PLPPR5: variants seen among roughly 807,000 people sequenced by gnomAD.
PLPPR5 encodes the protein phospholipid phosphatase-related protein type 5.
A neutral mutation model predicts 33.9 loss-of-function variants in PLPPR5; 16 were observed. The ratio of observed to expected loss-of-function variants is 0.47; its 90% confidence interval spans 0.32 to 0.72. The LOEUF is 0.72. Among genes scored for constraint, PLPPR5 ranks in the 30% least tolerant of loss-of-function variants. The pLI is 0.03. For synonymous variants in PLPPR5, 163 were observed against 150.3 expected (o/e 1.08, Z -0.62); for missense variants, 301 against 406.7 (o/e 0.74, Z 2.23).
chr1:98,904,970 G>A (rs1648842711), intron 5 of PLPPR5, among the ~76,000 whole-genome samples: 1 of 152,176 alleles, frequency 6.6e-6, no homozygotes, highest in Non-Finnish European at 1.5e-5. Context: ...TTTGCCAAAT[G>A]ACATCTCATC....
At chr1:98,985,807 GT>G (rs1448236346) in intron 1 of PLPPR5, among the ~76,000 whole-genome samples, 6 of 151,976 alleles carry the variant, frequency 3.9e-5, no homozygotes, top group African/African-American at 1.4e-4. Flanking sequence ...TAGCCTCATT[GT>G]ATACACATTA....
intron 3 of PLPPR5, among the ~76,000 whole-genome samples, chr1:98,933,080 C>T (rs1327677144): frequency 1.3e-5 from 2 of 151,990 alleles, no homozygotes; most frequent in Non-Finnish European, 2.9e-5. Flanking sequence ...CAGATGGCTA[C>T]TCACAGTAAG....
intron 5 of PLPPR5, among the ~76,000 whole-genome samples, chr1:98,913,520 T>C (rs1649231163): frequency 6.6e-6 from 1 of 152,218 alleles, no homozygotes; most frequent in Admixed American, 6.5e-5. Context: ...CCTTTTTCAT[T>C]TGTGCAATTA....
At chr1:98,912,275 G>A (rs954908803) in intron 5 of PLPPR5, among the ~76,000 whole-genome samples, 2 of 151,976 alleles carry the variant, frequency 1.3e-5, no homozygotes, top group Non-Finnish European at 2.9e-5. Context: ...CTGTAAAATG[G>A]GAATATGCAT....
At position 98,921,983 on chromosome 1, in the gene PLPPR5, A is replaced by AC; in HGVS notation, c.696_697insG (p.Leu233ValfsTer41). 6.2e-7 allele frequency: 1 copy of AC among 1,614,088 alleles called. No homozygotes were observed. Among genetic ancestry groups the AC allele is most frequent in the South Asian group, 1.1e-5 (1 of 91,088 alleles). ...CTGTTGAGTCCAGTAAGAAATGCCA[A>AC]ACACATTAAGCCCAAGCATAGAACT... On this transcript the variant is annotated frameshift_variant, in exon 4 of 6. Coordinates refer to ENST00000263177, the MANE Select transcript of PLPPR5 (RefSeq NM_001037317.2). LOFTEE classifies it high-confidence loss of function.
At chr1:98,957,101 C>T (rs1429754419) in intron 1 of PLPPR5, among the ~76,000 whole-genome samples, 1 of 150,912 alleles carries the variant, frequency 6.6e-6, no homozygotes, top group Non-Finnish European at 1.5e-5. Context: ...AAACCAAACA[C>T]CACATATTCT....
intron 1 of PLPPR5, among the ~76,000 whole-genome samples, chr1:98,962,234 C>T (rs1175078557): frequency 6.6e-6 from 1 of 152,086 alleles, no homozygotes; most frequent in East Asian, 1.9e-4. Context: ...TGGTGTGCAA[C>T]ATAATGTTGT....
chr1:98,909,797 A>G (rs996176814), intron 5 of PLPPR5, among the ~76,000 whole-genome samples: 3 of 152,080 alleles, frequency 2.0e-5, no homozygotes, highest in African/African-American at 7.2e-5. Context: ...ATATTTTAAT[A>G]TGACAAGCAG....
At chr1:98,995,152 G>T (rs2100763911) in intron 1 of PLPPR5, among the ~76,000 whole-genome samples, 1 of 152,174 alleles carries the variant, frequency 6.6e-6, no homozygotes, top group Non-Finnish European at 1.5e-5. Flanking sequence ...CCCATTGTTG[G>T]ATATACACCC....
intron 5 of PLPPR5, among the ~76,000 whole-genome samples, chr1:98,903,898 C>A (rs1384646300): frequency 6.6e-6 from 1 of 152,182 alleles, no homozygotes; most frequent in East Asian, 1.9e-4. Flanking sequence ...TGACTACATT[C>A]CAGTTCACAT....
intron 1 of PLPPR5, among the ~76,000 whole-genome samples, chr1:98,979,113 T>C (rs1651968730): frequency 6.6e-6 from 1 of 152,066 alleles, no homozygotes; most frequent in South Asian, 2.1e-4. Flanking sequence ...TCCCAGGCAT[T>C]CTTCTAGGTA....
At chr1:98,946,705 C>T (rs1249810091) in intron 3 of PLPPR5, among the ~76,000 whole-genome samples, 1 of 152,104 alleles carries the variant, frequency 6.6e-6, no homozygotes, top group Non-Finnish European at 1.5e-5. Context: ...TTACCAGATA[C>T]TCTTACAATC....
intron 5 of PLPPR5, among the ~76,000 whole-genome samples, chr1:98,903,711 C>T (rs867949990): frequency 1.3e-5 from 2 of 151,856 alleles, no homozygotes; most frequent in Admixed American, 1.3e-4. Flanking sequence ...TACTATGTGC[C>T]GAGAAGTTTA....
At position 98,891,186 on chromosome 1, in the gene PLPPR5, A is replaced by T. The variant is rs1341454796; in HGVS notation, c.*1886T>A. The stretch of plus-strand genomic sequence containing the variant: ...TGTTCTAAATTTCCAACAGGACTGA[A>T]TTGCTCTAGAGGTCTGAAATTAGTA... On this transcript the variant is annotated 3_prime_UTR_variant, in exon 6 of 6. Transcript: ENST00000263177. 6.6e-6 allele frequency: 1 copy of T among 152,138 alleles called. No individual in the cohort carries two copies. Among genetic ancestry groups the T allele is most frequent in the East Asian group, 1.9e-4 (1 of 5,174 alleles). 9.4% of individuals were successfully genotyped at this position (152,138 alleles called of 1,614,324 possible). A position where few individuals can be genotyped will look rare whatever the true frequency, so the allele number is the denominator to read the frequency against.
At chr1:98,937,042 T>A (rs1237554159) in intron 3 of PLPPR5, among the ~76,000 whole-genome samples, 1 of 152,158 alleles carries the variant, frequency 6.6e-6, no homozygotes, top group Admixed American at 6.5e-5. Flanking sequence ...ACATGATAAC[T>A]GGACAAGGGT....
chr1:98,998,449 TACA>T (rs1386264981), intron 1 of PLPPR5, among the ~76,000 whole-genome samples: 6 of 152,246 alleles, frequency 3.9e-5, no homozygotes, highest in African/African-American at 9.6e-5. Context: ...CCTACTCCTC[TACA>T]ACATTTCCAA....
chr1:98,937,707 G>C (rs1441157790), intron 3 of PLPPR5, among the ~76,000 whole-genome samples: 1 of 152,134 alleles, frequency 6.6e-6, no homozygotes, highest in Non-Finnish European at 1.5e-5. Context: ...CCCAGTTAAG[G>C]TTGGAAACAC....
chr1:98,981,942 C>T lies in PLPPR5; in HGVS notation c.237+22493G>A, dbSNP rs531717065. Among the ~76,000 whole-genome samples, 43 of 152,166 alleles carry T rather than the reference C, an allele frequency of 2.8e-4. 2 individuals are homozygous for T. The South Asian group carries it at 7.9e-3, about 28-fold the overall frequency. ...AAGTGATTGCCTGCCCAAGCAGCACCGAATCTTCCTTTACTCATTAATGTC... is the reference window on the plus strand; with the variant it reads ...AAGTGATTGCCTGCCCAAGCAGCACTGAATCTTCCTTTACTCATTAATGTC... On this transcript the variant is annotated intron_variant, in intron 1 of 5. Coordinates refer to ENST00000263177, the MANE Select transcript of PLPPR5 (RefSeq NM_001037317.2).
At chr1:98,961,723 A>G (rs1216825752) in intron 1 of PLPPR5, among the ~76,000 whole-genome samples, 1 of 152,174 alleles carries the variant, frequency 6.6e-6, no homozygotes, top group Non-Finnish European at 1.5e-5. Flanking sequence ...ATACCAGGTC[A>G]TATTGACTCT....
Sources: gnomAD v4.1 joint callset for allele counts (sites outside exome capture counted in the v4.1 genomes callset) on GRCh38, gnomAD v4.1.1 for gene constraint, MANE v1.5 for transcripts, NCBI Gene and HGNC (gene_info 2026-07-23, HGNC 2026-07-21) for gene names.